The following EPB41L2 variants were observed in gnomAD, a reference collection of about 807,000 sequenced individuals.
EPB41L2 encodes band 4.1-like protein 2.
In EPB41L2, 43 loss-of-function variants were observed where a neutral mutation model predicts 113.0. The ratio of observed to expected loss-of-function variants is 0.38; its 90% CI spans 0.30 to 0.49. EPB41L2 has a LOEUF of 0.49. Ranked by LOEUF, EPB41L2 falls within the 20% of genes least tolerant of loss-of-function variation. The pLI, the probability that EPB41L2 is intolerant of heterozygous loss-of-function variation, is 0.95. For synonymous variants in EPB41L2, 442 were observed against 436.7 expected, an observed-to-expected ratio of 1.01 and a Z score of -0.15; for missense variants, 1,147 against 1,223.4, an observed-to-expected ratio of 0.94 and a Z score of 0.93.
At chr6:130,923,517 T>C (rs1272546522) in intron 4 of EPB41L2, among the ~76,000 whole-genome samples, 1 of 152,212 alleles carries the variant, frequency 6.6e-6, no homozygotes, top group East Asian at 1.9e-4. Context: ...AGCAGACAGC[T>C]GCTCCAGTCT....
rs1009250927 is a variant in EPB41L2, at chr6:130,988,841, C to A, written c.-14-32342G>T. ...CAGTGACTCATGCCTGTAATCCCAG[C>A]ACTTTGGGAGGCCGAGGCAGGCGGA... On this transcript the variant is annotated intron_variant, in intron 1 of 19. Transcript: ENST00000337057. 1.8e-4 allele frequency among the ~76,000 whole-genome samples: 27 copies of A among 152,208 alleles called. 1 individual carries two copies. Among genetic ancestry groups the A allele is most frequent in the African/African-American group, 6.5e-4 (27 of 41,460 alleles).
chr6:130,967,173 G>A (rs893856376), intron 1 of EPB41L2, among the ~76,000 whole-genome samples: 7 of 152,038 alleles, frequency 4.6e-5, no homozygotes, highest in Non-Finnish European at 8.8e-5. Flanking sequence ...CAGCCTTACC[G>A]AACCTGTGGA....
intron 18 of EPB41L2, among the ~76,000 whole-genome samples, chr6:130,859,493 AGAGTGAGACTTTGTCTC>A (rs1781340159): frequency 2.0e-5 from 3 of 149,566 alleles, no homozygotes. Flanking sequence ...CCTGGGCAAC[AGAGTGAGACTTTGTCTC>A]AAAAAAAAAA....
At chr6:130,941,101 CAT>C (rs1810722599) in intron 3 of EPB41L2, among the ~76,000 whole-genome samples, 1 of 152,244 alleles carries the variant, frequency 6.6e-6, no homozygotes, top group East Asian at 1.9e-4. Context: ...TTTCTGAACA[CAT>C]AGGATATATT....
At chr6:130,874,361 A>T in intron 14 of EPB41L2, among the ~76,000 whole-genome samples, 1 of 131,052 alleles carries the variant, frequency 7.6e-6, no homozygotes, top group Non-Finnish European at 1.7e-5. Flanking sequence ...ATACTTATGC[A>T]TAATTTTTTT....
intron 1 of EPB41L2, among the ~76,000 whole-genome samples, chr6:131,035,047 A>G (rs1463918489): frequency 6.6e-6 from 1 of 152,232 alleles, no homozygotes; most frequent in East Asian, 1.9e-4. Flanking sequence ...CAGCTTAAGC[A>G]TGCTACCAGT....
At chr6:130,994,650 T>C (rs933361923) in intron 1 of EPB41L2, among the ~76,000 whole-genome samples, 1 of 152,126 alleles carries the variant, frequency 6.6e-6, no homozygotes, top group African/African-American at 2.4e-5. Context: ...ATGACTACAC[T>C]CACTGAAAGG....
chr6:130,913,236 C>A (rs1799955149), intron 4 of EPB41L2, among the ~76,000 whole-genome samples: 1 of 152,198 alleles, frequency 6.6e-6, no homozygotes, highest in Non-Finnish European at 1.5e-5. Context: ...GACTTGGTGT[C>A]ATTCTCAGGC....
intron 10 of EPB41L2, among the ~76,000 whole-genome samples, chr6:130,891,037 T>C (rs1215385461): frequency 6.6e-6 from 1 of 152,236 alleles, no homozygotes; most frequent in Non-Finnish European, 1.5e-5. Flanking sequence ...ATGTCAAATA[T>C]TTCTAGGCTT....
chr6:130,857,321 A>G (rs1251722364), intron 19 of EPB41L2, among the ~76,000 whole-genome samples: 1 of 152,104 alleles, frequency 6.6e-6, no homozygotes, highest in African/African-American at 2.4e-5. Flanking sequence ...CACATAGTTT[A>G]CTCATTTAAT....
rs756734822 is a variant in EPB41L2 at position 130,980,350 on chromosome 6, TAGAG to T, written c.-14-23855_-14-23852del. The stretch of plus-strand genomic sequence containing the variant: ...TGGTGCAGTCTTTCGGTGGGAGAGA[TAGAG>T]AGGAGAGGTTCAACACACAAAGTAG... On this transcript the variant is annotated intron_variant, in intron 1 of 19. Transcript: ENST00000337057. Among the ~76,000 whole-genome samples, 196 of 151,776 alleles carry T rather than the reference TAGAG, an allele frequency of 1.3e-3. 3 individuals are homozygous for T. Among genetic ancestry groups the T allele is most frequent in the Non-Finnish European group, 1.3e-3 (91 of 67,914 alleles).
intron 3 of EPB41L2, among the ~76,000 whole-genome samples, chr6:130,931,088 G>A (rs1169066565): frequency 6.6e-6 from 1 of 152,112 alleles, no homozygotes; most frequent in Non-Finnish European, 1.5e-5. Flanking sequence ...ATGGAGAACA[G>A]AATGAGGGGT....
intron 5 of EPB41L2, among the ~76,000 whole-genome samples, chr6:130,905,873 T>G (rs1228060950): frequency 6.6e-6 from 1 of 152,192 alleles, no homozygotes; most frequent in Non-Finnish European, 1.5e-5. Context: ...ACTCAAATAT[T>G]TATTAAATGG....
intron 1 of EPB41L2, among the ~76,000 whole-genome samples, chr6:130,991,874 CTG>C (rs1158782699): frequency 2.0e-5 from 3 of 152,068 alleles, no homozygotes; most frequent in Non-Finnish European, 2.9e-5. Context: ...TTTGAGAAGA[CTG>C]TGAAAAGTTC....
chr6:130,929,343 T>TGGATGTTTATAGAGATTACTTTTTACTTC, intron 3 of EPB41L2, among the ~76,000 whole-genome samples: 2 of 152,352 alleles, frequency 1.3e-5, no homozygotes, highest in East Asian at 3.9e-4. Flanking sequence ...CTTTTTACTT[T>TGGATGTTTATAGAGATTACTTTTTACTTC]GGATGTTTAT....
At chr6:130,966,664 G>C (rs1312457957) in intron 1 of EPB41L2, among the ~76,000 whole-genome samples, 1 of 152,150 alleles carries the variant, frequency 6.6e-6, no homozygotes, top group Non-Finnish European at 1.5e-5. Context: ...TGTTTTTAAT[G>C]AACAGAAGTT....
intron 1 of EPB41L2, among the ~76,000 whole-genome samples, chr6:131,038,221 C>A (rs1187693755): frequency 6.6e-6 from 1 of 152,108 alleles, no homozygotes; most frequent in African/African-American, 2.4e-5. Context: ...TGCCTTAAAT[C>A]CTTCATACAG....
chr6:131,023,500 T>A (rs533106983), intron 1 of EPB41L2, among the ~76,000 whole-genome samples: 1 of 152,100 alleles, frequency 6.6e-6, no homozygotes, highest in African/African-American at 2.4e-5. Context: ...CTGACCAACA[T>A]GGGGAAACCC....
chr6:131,023,756 GATATATAGATATATAGATAT>G (rs1790150848), intron 1 of EPB41L2, among the ~76,000 whole-genome samples: 1 of 44,726 alleles, frequency 2.2e-5, no homozygotes, highest in South Asian at 7.5e-4. Context: ...TCTATATATA[GATATATAGATATATAGATAT>G]ATAGATATAT....
Sources: allele counts gnomAD v4.1 joint callset (sites outside exome capture counted in the v4.1 genomes callset), GRCh38; gene constraint gnomAD v4.1.1; transcripts MANE v1.5; gene names NCBI Gene and HGNC (gene_info 2026-07-23, HGNC 2026-07-21).